Variants in TCF12 observed in about 807,000 individuals in gnomAD.
TCF12 encodes DNA-binding protein HTF4.
A neutral mutation model predicts 86.0 loss-of-function variants in TCF12; 45 were observed. The observed-to-expected ratio is 0.52, with a 90% CI of 0.41 to 0.67. TCF12 has a LOEUF of 0.67. Ranked by LOEUF, TCF12 falls within the 30% of genes least tolerant of loss-of-function variation. The pLI is 0.00. For synonymous variants in TCF12, 330 were observed against 299.6 expected, an observed-to-expected ratio of 1.10 and a Z score of -1.05; for missense variants, 881 against 859.9, an observed-to-expected ratio of 1.02 and a Z score of -0.31.
intron 3 of TCF12, among the ~76,000 whole-genome samples, chr15:56,939,602 T>C (rs2060634264): frequency 6.6e-6 from 1 of 152,220 alleles, no homozygotes; most frequent in South Asian, 2.1e-4. Context: ...CACTTGTGTT[T>C]CTGCACAGTA....
intron 8 of TCF12, among the ~76,000 whole-genome samples, chr15:57,223,380 AATAC>A (rs1315550750): frequency 2.0e-5 from 3 of 152,156 alleles, no homozygotes; most frequent in African/African-American, 7.2e-5. Flanking sequence ...GATATGTAAA[AATAC>A]ATATATATAC....
At chr15:57,122,594 C>T (rs1456622847) in intron 5 of TCF12, among the ~76,000 whole-genome samples, 1 of 152,158 alleles carries the variant, frequency 6.6e-6, no homozygotes, top group Non-Finnish European at 1.5e-5. Context: ...TTCTCTGACT[C>T]CAAAGTACAT....
chr15:57,164,681 CT>C (rs1567546309), intron 5 of TCF12, among the ~76,000 whole-genome samples: 1 of 151,656 alleles, frequency 6.6e-6, no homozygotes, highest in African/African-American at 2.4e-5. Context: ...ATTTTTTTTT[CT>C]TTTTTGTTTT....
intron 3 of TCF12, among the ~76,000 whole-genome samples, chr15:57,000,916 A>G (rs777047117): frequency 7.9e-5 from 12 of 151,092 alleles, no homozygotes; most frequent in Non-Finnish European, 1.6e-4. Context: ...CCTGTTTATT[A>G]TGACTCTACA....
rs551894281 is a variant in TCF12 at position 57,284,573 on chromosome 15, T to C, written c.*12-1584T>C. 4.9e-4 allele frequency among the ~76,000 whole-genome samples: 75 copies of C among 152,366 alleles called. No homozygotes were observed. The Middle Eastern group carries it at 0.01, about 21-fold the overall frequency. On this transcript the variant is annotated intron_variant, in intron 20 of 20. Coordinates refer to ENST00000333725, the MANE Select transcript of TCF12 (RefSeq NM_207037.2). ...ACTATTTCTCAGTGCAAAAGAGACT[T>C]TCTAAACTGATAGATTATTTCAAAG...
intron 5 of TCF12, among the ~76,000 whole-genome samples, chr15:57,099,213 G>A (rs534281737): frequency 6.6e-6 from 1 of 152,208 alleles, no homozygotes; most frequent in South Asian, 2.1e-4. Flanking sequence ...AATTTTGATA[G>A]CCATTCTCTG....
chr15:56,947,012 G>T (rs551074724), intron 3 of TCF12, among the ~76,000 whole-genome samples: 1 of 151,990 alleles, frequency 6.6e-6, no homozygotes, highest in Non-Finnish European at 1.5e-5. Context: ...TGGCTAGGCT[G>T]GTCTTGAACT....
chr15:56,990,447 T>G (rs1355403613), intron 3 of TCF12, among the ~76,000 whole-genome samples: 2 of 152,088 alleles, frequency 1.3e-5, no homozygotes, highest in African/African-American at 4.8e-5. Context: ...TGCCAAAGCT[T>G]TCTTCAAAGA....
intron 5 of TCF12, among the ~76,000 whole-genome samples, chr15:57,137,278 G>T (rs529760074): frequency 6.6e-6 from 1 of 152,092 alleles, no homozygotes. Context: ...CACCACGCCC[G>T]GCCCTGGCAG....
intron 3 of TCF12, among the ~76,000 whole-genome samples, chr15:57,018,728 A>G (rs2065297467): frequency 6.6e-6 from 1 of 152,166 alleles, no homozygotes; most frequent in Admixed American, 6.6e-5. Context: ...GGCATGAGCC[A>G]CTGTGCCCTA....
chr15:57,069,329 A>T (rs2069170727), intron 4 of TCF12, among the ~76,000 whole-genome samples: 1 of 152,202 alleles, frequency 6.6e-6, no homozygotes, highest in Admixed American at 6.5e-5. Context: ...GTTTATATGT[A>T]ATCTATTATG....
intron 3 of TCF12, among the ~76,000 whole-genome samples, chr15:56,922,018 A>G (rs1367202226): frequency 6.6e-6 from 1 of 151,958 alleles, no homozygotes; most frequent in Non-Finnish European, 1.5e-5. Context: ...TAAGTAGGGT[A>G]AAGACTAGTA....
At chr15:57,182,202 C>G (rs980775981) in intron 6 of TCF12, among the ~76,000 whole-genome samples, 1 of 151,718 alleles carries the variant, frequency 6.6e-6, no homozygotes, top group Non-Finnish European at 1.5e-5. Context: ...ACAGAAAAAT[C>G]AATAATATGA....
intron 5 of TCF12, among the ~76,000 whole-genome samples, chr15:57,132,343 A>G (rs1456580435): frequency 6.6e-6 from 1 of 152,194 alleles, no homozygotes; most frequent in Non-Finnish European, 1.5e-5. Context: ...CTACAAGTAA[A>G]TACTTATGTA....
intron 3 of TCF12, among the ~76,000 whole-genome samples, chr15:57,017,110 G>A (rs2065197161): frequency 6.6e-6 from 1 of 152,126 alleles, no homozygotes; most frequent in African/African-American, 2.4e-5. Flanking sequence ...TGAAAGGGTG[G>A]CAGGCTACCT....
intron 3 of TCF12, among the ~76,000 whole-genome samples, chr15:56,927,224 G>A (rs1251696779): frequency 2.6e-5 from 4 of 152,152 alleles, no homozygotes; most frequent in African/African-American, 9.7e-5. Context: ...ATTTGGAGAT[G>A]TATGAGGGAA....
intron 3 of TCF12, among the ~76,000 whole-genome samples, chr15:57,050,911 GTCTTTT>G (rs2067569314): frequency 6.6e-6 from 1 of 151,944 alleles, no homozygotes; most frequent in African/African-American, 2.4e-5. Flanking sequence ...CATTTTGACT[GTCTTTT>G]TCTTAAAGTG....
chr15:56,924,422 C>A (rs2059917360), intron 3 of TCF12, among the ~76,000 whole-genome samples: 1 of 152,144 alleles, frequency 6.6e-6, no homozygotes, highest in African/African-American at 2.4e-5. Flanking sequence ...TGTAGCATTA[C>A]TTGAACATAT....
At chr15:57,232,228 C>A in intron 9 of TCF12, 63 bp from the exon 10 acceptor site, 2 of 1,584,610 alleles carry the variant, frequency 1.3e-6, no homozygotes, top group East Asian at 2.3e-5. Context: ...TTTTTATAAG[C>A]AACATCAAAA....
Sources: gnomAD v4.1 joint callset for allele counts (sites outside exome capture counted in the v4.1 genomes callset) on GRCh38, gnomAD v4.1.1 for gene constraint, MANE v1.5 for transcripts, NCBI Gene and HGNC (gene_info 2026-07-23, HGNC 2026-07-21) for gene names.